Variants in LARGE1 observed in about 807,000 individuals in gnomAD.
The protein encoded by LARGE1 is LARGE xylosyl- and glucuronyltransferase 1, also known as xylosyl- and glucuronyltransferase LARGE1.
In LARGE1, 43 loss-of-function variants were observed where a neutral mutation model predicts 87.6. The ratio of observed to expected loss-of-function variants is 0.49; its 90% CI spans 0.38 to 0.63. The LOEUF (loss-of-function observed/expected upper bound fraction) is 0.63, where lower values mean the gene tolerates loss of function less well. Ranked by LOEUF, LARGE1 falls within the 30% of genes least tolerant of loss-of-function variation. The probability of loss-of-function intolerance (pLI) is 0.00; values close to 1 mark genes in which losing one functional copy is unlikely to be tolerated. For missense variants in LARGE1, 802 were observed against 1,000.2 expected, an observed-to-expected ratio of 0.80 and a Z score of 2.67; for synonymous variants, 434 against 394.6, an observed-to-expected ratio of 1.10 and a Z score of -1.18.
intron 4 of LARGE1, among the ~76,000 whole-genome samples, chr22:33,616,090 G>GA (rs2079572088): frequency 6.6e-6 from 1 of 152,174 alleles, no homozygotes; most frequent in African/African-American, 2.4e-5. Context: ...GCTGGTAGGA[G>GA]AAACAGTTTG....
chr22:33,829,501 C>T (rs2062904157), intron 1 of LARGE1, among the ~76,000 whole-genome samples: 1 of 152,134 alleles, frequency 6.6e-6, no homozygotes, highest in Non-Finnish European at 1.5e-5. Flanking sequence ...ATTCCTGTAT[C>T]CCCGGTGCTT....
At chr22:33,234,012 T>G (rs960694855) in intron 11 of LARGE1, among the ~76,000 whole-genome samples, 5 of 152,180 alleles carry the variant, frequency 3.3e-5, no homozygotes, top group African/African-American at 1.2e-4. Flanking sequence ...ACCAAATGCC[T>G]TCACCCTAGG....
At chr22:33,089,368 T>TCTTCTTCTTCTCCTC in the LARGE1 span, among the ~76,000 whole-genome samples, 1,438 of 78,226 alleles carry the variant, frequency 0.018, 47 homozygotes, top group African/African-American at 0.066. Context: ...TTCTTCTTCT[T>TCTTCTTCTTCTCCTC]CTCCTTCTTC....
intron 6 of LARGE1, among the ~76,000 whole-genome samples, chr22:33,539,942 G>T (rs117694042): frequency 6.6e-6 from 1 of 151,948 alleles, no homozygotes. Flanking sequence ...CTTCTGACCC[G>T]GGATAAAATT....
intron 5 of LARGE1, among the ~76,000 whole-genome samples, chr22:33,598,812 T>A (rs1261987556): frequency 6.6e-6 from 1 of 152,206 alleles, no homozygotes; most frequent in Non-Finnish European, 1.5e-5. Flanking sequence ...TTTGCTATTG[T>A]GAATAGAGCC....
chr22:33,755,117 C>T (rs1315614003), intron 2 of LARGE1, among the ~76,000 whole-genome samples: 5 of 152,188 alleles, frequency 3.3e-5, no homozygotes, highest in African/African-American at 4.8e-5. Context: ...GTATCGGAAC[C>T]GTATTTTTTT....
chr22:33,491,959 A>G (rs2069862951), intron 6 of LARGE1, among the ~76,000 whole-genome samples: 1 of 152,222 alleles, frequency 6.6e-6, no homozygotes, highest in South Asian at 2.1e-4. Flanking sequence ...ATGTGGCCTT[A>G]TGGCTCCACA....
chr22:33,575,064 C>T (rs575642156), intron 5 of LARGE1, among the ~76,000 whole-genome samples: 2 of 152,162 alleles, frequency 1.3e-5, no homozygotes, highest in African/African-American at 4.8e-5. Context: ...GGTTACAATT[C>T]ATTAGATTTG....
At chr22:33,799,313 AGCCGG>A (rs1200607330) in intron 1 of LARGE1, among the ~76,000 whole-genome samples, 12 of 152,306 alleles carry the variant, frequency 7.9e-5, no homozygotes, top group Admixed American at 5.9e-4. Flanking sequence ...GCATTTCTGG[AGCCGG>A]GCTATGACCA....
chr22:33,344,067 G>A (rs1939460808), intron 9 of LARGE1, among the ~76,000 whole-genome samples: 1 of 152,114 alleles, frequency 6.6e-6, no homozygotes, highest in Non-Finnish European at 1.5e-5. Context: ...ATATTTGCTG[G>A]CAGCTGATTA....
chr22:33,460,405 G>A (rs1041180678), intron 6 of LARGE1, among the ~76,000 whole-genome samples: 2 of 152,104 alleles, frequency 1.3e-5, no homozygotes, highest in Non-Finnish European at 2.9e-5. Context: ...AGCTTCCTGG[G>A]TAGTTTGGTG....
chr22:33,344,289 GA>G (rs1939489808), intron 9 of LARGE1, among the ~76,000 whole-genome samples: 2 of 152,236 alleles, frequency 1.3e-5, no homozygotes, highest in South Asian at 4.2e-4. Flanking sequence ...ATAGTAAGAT[GA>G]GCACTGATTT....
At chr22:33,689,170 C>CG (rs2149330375) in intron 2 of LARGE1, among the ~76,000 whole-genome samples, 1 of 102,640 alleles carries the variant, frequency 9.7e-6, no homozygotes, top group East Asian at 3.7e-4. Flanking sequence ...TCTCTCTCCC[C>CG]CCTCCTGTGT....
intron 1 of LARGE1, among the ~76,000 whole-genome samples, chr22:33,826,620 C>T (rs1199862036): frequency 2.6e-5 from 4 of 152,066 alleles, no homozygotes; most frequent in South Asian, 2.1e-4. Flanking sequence ...AGATTACAGG[C>T]GAGAGCCATC....
chr22:33,502,803 G>A (rs778721536), intron 6 of LARGE1, among the ~76,000 whole-genome samples: 25 of 152,136 alleles, frequency 1.6e-4, no homozygotes, highest in Non-Finnish European at 2.5e-4. Context: ...TCTTGACCTC[G>A]TGATCTGCCC....
the LARGE1 span, among the ~76,000 whole-genome samples, chr22:33,070,547 T>C: frequency 6.6e-6 from 1 of 152,060 alleles, no homozygotes; most frequent in South Asian, 2.1e-4. Context: ...CCAATATCAA[T>C]AGCAACAAAC....
At chr22:33,167,596 A>C (rs773835553) in intron 11 of LARGE1, among the ~76,000 whole-genome samples, 3 of 152,168 alleles carry the variant, frequency 2.0e-5, no homozygotes, top group Admixed American at 6.5e-5. Context: ...ACAGATTAAT[A>C]ATTCGAGATT....
chr22:33,756,294 T>C (rs1157708056), intron 2 of LARGE1, among the ~76,000 whole-genome samples: 1 of 152,064 alleles, frequency 6.6e-6, no homozygotes, highest in African/African-American at 2.4e-5. Context: ...GGCACTACAG[T>C]AGGTGCTAGA....
At chr22:33,397,169 A>G (rs1056055418) in intron 7 of LARGE1, among the ~76,000 whole-genome samples, 5 of 152,066 alleles carry the variant, frequency 3.3e-5, no homozygotes, top group Admixed American at 3.3e-4. Context: ...AGGCTGGAGT[A>G]CAATGGCTCG....
Sources: gnomAD v4.1 joint callset for allele counts (sites outside exome capture counted in the v4.1 genomes callset) on GRCh38, gnomAD v4.1.1 for gene constraint, MANE v1.5 for transcripts, NCBI Gene and HGNC (gene_info 2026-07-23, HGNC 2026-07-21) for gene names.